NYAP2: variants seen among roughly 807,000 people sequenced by gnomAD.
NYAP2 encodes the protein neuronal tyrosine-phosphorylated phosphoinositide-3-kinase adapter 2.
In NYAP2, 23 loss-of-function variants were observed where a neutral mutation model predicts 50.4. The observed-to-expected ratio is 0.46, with a 90% confidence interval of 0.33 to 0.65. The LOEUF (loss-of-function observed/expected upper bound fraction) is 0.65, where lower values mean the gene tolerates loss of function less well. NYAP2 is among the 30% of genes least tolerant of loss of function. The pLI is 0.02. For missense variants in NYAP2, 885 were observed against 861.0 expected, an observed-to-expected ratio of 1.03 and a Z score of -0.35; for synonymous variants, 394 against 365.2, an observed-to-expected ratio of 1.08 and a Z score of -0.90.
At chr2:225,592,401 G>C (rs1324875698) in intron 5 of NYAP2, among the ~76,000 whole-genome samples, 4 of 152,170 alleles carry the variant, frequency 2.6e-5, no homozygotes, top group Non-Finnish European at 1.5e-5. Flanking sequence ...GGGTAAAACA[G>C]ACAAAGCAGC....
intron 3 of NYAP2, among the ~76,000 whole-genome samples, chr2:225,489,777 T>A (rs979453811): frequency 2.0e-5 from 3 of 152,148 alleles, no homozygotes; most frequent in Admixed American, 1.3e-4. Flanking sequence ...CTGGCAAATA[T>A]AAGGCCCTTG....
intron 5 of NYAP2, among the ~76,000 whole-genome samples, chr2:225,588,583 C>T (rs191027018): frequency 8.5e-5 from 13 of 152,246 alleles, no homozygotes; most frequent in Non-Finnish European, 1.5e-4. Flanking sequence ...ATAAAAAATT[C>T]TGAAGTTTAT....
At chr2:225,438,122 G>A (rs927842805) in intron 3 of NYAP2, among the ~76,000 whole-genome samples, 3 of 152,104 alleles carry the variant, frequency 2.0e-5, no homozygotes, top group Non-Finnish European at 4.4e-5. Context: ...CTAATAGCAA[G>A]TTTCATGTCT....
chr2:225,558,716 T>A (rs1347072986), intron 4 of NYAP2, among the ~76,000 whole-genome samples: 1 of 151,722 alleles, frequency 6.6e-6, no homozygotes. Context: ...GCTATGGACA[T>A]TTTCGGGGGG....
chr2:225,554,378 T>C (rs1177754397), intron 4 of NYAP2, among the ~76,000 whole-genome samples: 1 of 151,004 alleles, frequency 6.6e-6, no homozygotes. Context: ...TGGAGTGCAA[T>C]GGCACAATCT....
the NYAP2 span, among the ~76,000 whole-genome samples, chr2:225,668,956 CTTTTTTTTTTTT>C: frequency 3.5e-3 from 245 of 69,584 alleles, 3 homozygotes; most frequent in African/African-American, 9.4e-3. Context: ...GTGTCCCCTG[CTTTTTTTTTTTT>C]TTTTTTTTTT....
At chr2:225,654,712 TAAAAC>T (rs1157894630), downstream of NYAP2, among the ~76,000 whole-genome samples, 3 of 151,914 alleles carry the variant, frequency 2.0e-5, no homozygotes, top group South Asian at 2.1e-4. Flanking sequence ...AAAAAATAAA[TAAAAC>T]AAACAAAATC....
intron 3 of NYAP2, among the ~76,000 whole-genome samples, chr2:225,453,292 T>A (rs1363112159): frequency 2.0e-5 from 3 of 152,152 alleles, no homozygotes; most frequent in Admixed American, 1.3e-4. Context: ...TTATATTAAG[T>A]AAGAGACTGT....
At chr2:225,567,594 G>A (rs1691983421) in intron 4 of NYAP2, among the ~76,000 whole-genome samples, 2 of 151,978 alleles carry the variant, frequency 1.3e-5, no homozygotes, top group African/African-American at 4.8e-5. Flanking sequence ...AGAAAGAGAT[G>A]AAGCCCAAAG....
rs373547613 is a variant in NYAP2 at position 225,490,782 on chromosome 2, C to CAG, written c.222-22586_222-22585dup. 2.7e-3 allele frequency among the ~76,000 whole-genome samples: 410 copies of CAG among 152,302 alleles called. 1 individual carries two copies. The highest frequency in any genetic ancestry group is 9.0e-3 in the African/African-American group (376 of 41,580). ...ATGTGCCTTTGTCTTTTCTCCAATGCAGAGTTGCTAAACATTGTCTTAAAC... is the reference window on the plus strand; with the variant it reads ...ATGTGCCTTTGTCTTTTCTCCAATGCAGAGAGTTGCTAAACATTGTCTTAAAC... On this transcript the variant is annotated intron_variant, in intron 3 of 6. Coordinates refer to ENST00000636099, the Ensembl canonical transcript of NYAP2.
At chr2:225,697,710 T>C in the NYAP2 span, among the ~76,000 whole-genome samples, 2 of 151,974 alleles carry the variant, frequency 1.3e-5, no homozygotes, top group Admixed American at 6.6e-5. Flanking sequence ...GAAAATTGCT[T>C]AAAAGTGTAA....
intron 4 of NYAP2, among the ~76,000 whole-genome samples, chr2:225,569,766 C>A (rs775592616): frequency 2.0e-5 from 3 of 152,192 alleles, no homozygotes; most frequent in Non-Finnish European, 2.9e-5. Context: ...GAACTGAGAT[C>A]TCTCTGATTC....
At chr2:225,559,676 T>C (rs935754037) in intron 4 of NYAP2, among the ~76,000 whole-genome samples, 6 of 152,090 alleles carry the variant, frequency 3.9e-5, no homozygotes, top group African/African-American at 1.4e-4. Flanking sequence ...TTAAAAGCTC[T>C]AAAAACACAC....
At chr2:225,464,781 TA>T (rs1328354531) in intron 3 of NYAP2, among the ~76,000 whole-genome samples, 1 of 152,190 alleles carries the variant, frequency 6.6e-6, no homozygotes, top group African/African-American at 2.4e-5. Context: ...ACGTGAGCAA[TA>T]GGCACAGATG....
chr2:225,651,819 A>C, exon 7 of NYAP2: 1 of 437,414 alleles, frequency 2.3e-6, no homozygotes, highest in Non-Finnish European at 4.1e-6. Context: ...AAATGTAGTA[A>C]ACTTGTACTA....
At chr2:225,596,519 C>A (rs35919107) in intron 5 of NYAP2, among the ~76,000 whole-genome samples, 1 of 152,082 alleles carries the variant, frequency 6.6e-6, no homozygotes, top group East Asian at 1.9e-4. Flanking sequence ...AGGGCAGGGA[C>A]AGTTTATATT....
intron 4 of NYAP2, among the ~76,000 whole-genome samples, chr2:225,557,410 T>C (rs1691795945): frequency 6.6e-6 from 1 of 152,218 alleles, no homozygotes; most frequent in African/African-American, 2.4e-5. Flanking sequence ...TTTTATTTTA[T>C]TTTTTATGTA....
At chr2:225,467,618 A>G (rs1033858824) in intron 3 of NYAP2, among the ~76,000 whole-genome samples, 6 of 152,208 alleles carry the variant, frequency 3.9e-5, no homozygotes, top group African/African-American at 1.4e-4. Flanking sequence ...ACTGCCTTTC[A>G]ATCAAATTTT....
At chr2:225,662,133 A>G in the NYAP2 span, among the ~76,000 whole-genome samples, 1 of 152,358 alleles carries the variant, frequency 6.6e-6, no homozygotes, top group East Asian at 1.9e-4. Flanking sequence ...CTAAAATGTC[A>G]TAGCAGAGGA....
Sources: gnomAD v4.1 joint callset for allele counts (sites outside exome capture counted in the v4.1 genomes callset) on GRCh38, gnomAD v4.1.1 for gene constraint, MANE v1.5 for transcripts, NCBI Gene and HGNC (gene_info 2026-07-23, HGNC 2026-07-21) for gene names.